Variants in SIDT1 observed in about 807,000 individuals in gnomAD.
SIDT1 encodes SID1 transmembrane family, member 1.
A neutral mutation model predicts 107.5 loss-of-function variants in SIDT1; 101 were observed. The observed-to-expected ratio is 0.94, with a 90% confidence interval of 0.80 to 1.11. The LOEUF (loss-of-function observed/expected upper bound fraction) is 1.11. Among genes scored for constraint, SIDT1 ranks in the 50% least tolerant of loss-of-function variants. The pLI, the probability that SIDT1 is intolerant of heterozygous loss-of-function variation, is 0.00. For synonymous variants in SIDT1, 395 were observed against 398.2 expected (o/e 0.99, Z 0.10); for missense variants, 1,076 against 1,058.2 (o/e 1.02, Z -0.23).
chr3:113,618,887 A>C lies in SIDT1; in HGVS notation c.2044-793A>C, dbSNP rs142491461. Reference sequence around the variant, plus strand: ...TCACCCAGGCTGGAGTGCAGTGGCAAAATCTCGGCTCACTGCAACCTCTGC... The same window carrying C: ...TCACCCAGGCTGGAGTGCAGTGGCACAATCTCGGCTCACTGCAACCTCTGC... On this transcript the variant is annotated intron_variant, in intron 20 of 24. Transcript: ENST00000264852. 5.4e-3 allele frequency among the ~76,000 whole-genome samples: 824 copies of C among 152,132 alleles called. 13 individuals are homozygous for C. The highest frequency in any genetic ancestry group is 0.032 in the Admixed American group (492 of 15,280).
chr3:113,623,600 C>T (rs1434235540), intron 22 of SIDT1, 23 bp from the exon 23 acceptor site: 2 of 1,603,874 alleles, frequency 1.2e-6, no homozygotes, highest in East Asian at 2.2e-5. Context: ...CGCGTGAGGC[C>T]GCATCTGCTT....
chr3:113,579,753 G>A (rs3773691), intron 4 of SIDT1, among the ~76,000 whole-genome samples: 39,937 of 151,982 alleles, frequency 0.26, 5,731 homozygotes, highest in East Asian at 0.59. Context: ...TTCACTGGGA[G>A]CCTGTTTCGG....
chr3:113,634,672 C>T, the SIDT1 span, among the ~76,000 whole-genome samples: 2 of 151,960 alleles, frequency 1.3e-5, no homozygotes, highest in Non-Finnish European at 2.9e-5. Context: ...GGTGTGGTGG[C>T]GTGCATCTGT....
At chr3:113,576,608 A>C (rs1021561286) in intron 3 of SIDT1, among the ~76,000 whole-genome samples, 1 of 152,230 alleles carries the variant, frequency 6.6e-6, no homozygotes, top group African/African-American at 2.4e-5. Context: ...AAAATCAAGC[A>C]CAAGAGAGTC....
rs779272965 is a variant in SIDT1, at chr3:113,581,438, G to A, written c.741G>A (p.Thr247=). The A allele has an allele frequency of 2.3e-5, 37 of 1,612,006 alleles. No homozygotes were observed. The highest frequency in any genetic ancestry group is 1.6e-4 in the African/African-American group (12 of 74,882). The change falls in exon 6 of 25, where the codon ACG becomes ACA. Residue 247 remains threonine (T), a synonymous_variant. Transcript: ENST00000264852. ...CCATGACCAAGAAAGCTGCCATCACGCTACAGGTGAGGCATTGCTTCTGTG... is the reference window on the plus strand; with the variant it reads ...CCATGACCAAGAAAGCTGCCATCACACTACAGGTGAGGCATTGCTTCTGTG... ...YQSMTKKAAI[T]LQKKDFPGEQ... is the part of the protein sequence containing the mutation.
At chr3:113,552,855 G>A (rs182644250) in intron 1 of SIDT1, among the ~76,000 whole-genome samples, 10 of 152,138 alleles carry the variant, frequency 6.6e-5, no homozygotes, top group Admixed American at 3.3e-4. Flanking sequence ...CTTGCTTCCC[G>A]CAAAATTCAC....
Position 113,608,183 on chromosome 3 carries a change from G to C in SIDT1, c.1568G>C (p.Arg523Pro), listed in dbSNP as rs199652698. The C allele has an allele frequency of 6.2e-7, 1 of 1,607,660 alleles. No homozygotes were observed. The highest frequency in any genetic ancestry group is 8.5e-7 in the Non-Finnish European group (1 of 1,176,862). The change falls in exon 16 of 25, where the codon CGG (arginine) becomes CCG (proline). Residue 523 changes from arginine to proline, a missense_variant. Transcript: ENST00000264852. ...GTCTTGCGCCGCGACATCCTCCATC[G>C]GAGAGCCCTGGAAGCCAAGGACATC... ...LIVLRRDILH[R>P]RALEAKDIFA...
chr3:113,565,481 A>G (rs1001341322), intron 1 of SIDT1, among the ~76,000 whole-genome samples: 1 of 152,148 alleles, frequency 6.6e-6, no homozygotes, highest in African/African-American at 2.4e-5. Context: ...AGCCAAGATC[A>G]TGCCACTGCA....
At position 113,627,639 on chromosome 3, in the gene SIDT1, A is replaced by C. The variant is rs779892947; in HGVS notation, c.2422-7A>C. Reference sequence around the variant, plus strand: ...TTCCTTTCATTTCTCTGTCCCTCTCACTTCAGGTTTTGTTAACTTTGGATG... The same window carrying C: ...TTCCTTTCATTTCTCTGTCCCTCTCCCTTCAGGTTTTGTTAACTTTGGATG... On this transcript the variant is annotated splice_polypyrimidine_tract_variant and splice_region_variant and intron_variant, in intron 24 of 24. Coordinates refer to ENST00000264852, the MANE Select transcript of SIDT1 (RefSeq NM_017699.3). 3.7e-6 allele frequency: 6 copies of C among 1,613,910 alleles called. No homozygotes were observed. Among genetic ancestry groups the C allele is most frequent in the Non-Finnish European group, 4.2e-6 (5 of 1,179,848 alleles).
At chr3:113,552,374 G>A (rs1300608639) in intron 1 of SIDT1, among the ~76,000 whole-genome samples, 2 of 152,112 alleles carry the variant, frequency 1.3e-5, no homozygotes, top group Non-Finnish European at 2.9e-5. Context: ...GAGGTTTGTA[G>A]ACAGGGAGAC....
rs184859611 is a variant in SIDT1 at position 113,620,819 on chromosome 3, A to G, written c.2090+1093A>G. Among the ~76,000 whole-genome samples, 300 of 152,318 alleles carry G rather than the reference A, an allele frequency of 2.0e-3. 4 individuals are homozygous for G. The highest frequency in any genetic ancestry group is 0.016 in the Admixed American group (251 of 15,292). The stretch of plus-strand genomic sequence containing the variant: ...GGGCAATGGGAGGAGAAAAGGGACC[A>G]ACCTCTTGATAATGACCAACCTTTG... On this transcript the variant is annotated intron_variant, in intron 21 of 24. Transcript: ENST00000264852.
chr3:113,548,289 T>C (rs1186598643), intron 1 of SIDT1, among the ~76,000 whole-genome samples: 1 of 152,160 alleles, frequency 6.6e-6, no homozygotes, highest in East Asian at 1.9e-4. Context: ...CACAGTTCTG[T>C]GGATTTTGAG....
At chr3:113,615,563 T>G (rs975971871) in intron 19 of SIDT1, among the ~76,000 whole-genome samples, 1 of 152,234 alleles carries the variant, frequency 6.6e-6, no homozygotes, top group Admixed American at 6.5e-5. Context: ...TAACTTACCT[T>G]CACTTGATGA....
At chr3:113,607,989 T>C in intron 15 of SIDT1, 105 bp from the exon 16 acceptor site, 1 of 1,289,154 alleles carries the variant, frequency 7.8e-7, no homozygotes, top group Middle Eastern at 2.0e-4. Flanking sequence ...GAAAGGTTAA[T>C]GGAAAACATT....
chr3:113,606,014 A>G (rs530466052), intron 14 of SIDT1, among the ~76,000 whole-genome samples: 38 of 112,244 alleles, frequency 3.4e-4, no homozygotes, highest in Non-Finnish European at 5.3e-4. Context: ...CAAGAACAAA[A>G]AAAGGAAAAA....
intron 1 of SIDT1, among the ~76,000 whole-genome samples, chr3:113,557,008 C>T (rs925935011): frequency 3.3e-5 from 5 of 150,260 alleles, no homozygotes; most frequent in South Asian, 2.1e-4. Flanking sequence ...TTAGTAGAGG[C>T]GGGTTTCACC....
rs571598589 is a variant in SIDT1, at chr3:113,591,483, G to GA, written c.1002-1511dup. On this transcript the variant is annotated intron_variant, in intron 9 of 24. Transcript: ENST00000264852. Reference sequence around the variant, plus strand: ...GAAAGGGAGAAGCCAAAACAATCCTGAAAAAAAAAAAGAAGAACGTTAAAG... The same window carrying GA: ...GAAAGGGAGAAGCCAAAACAATCCTGAAAAAAAAAAAAGAAGAACGTTAAAG... Among the ~76,000 whole-genome samples, 883 of 142,688 alleles carry GA rather than the reference G, an allele frequency of 6.2e-3. 12 individuals carry two copies. Among genetic ancestry groups the GA allele is most frequent in the East Asian group, 0.029 (144 of 4,950 alleles). 93.6% of individuals were successfully genotyped at this position (142,688 alleles called of 152,430 possible).
At chr3:113,602,796 G>A in intron 11 of SIDT1, 1 of 467,148 alleles carries the variant, frequency 2.1e-6, no homozygotes, top group Non-Finnish European at 3.8e-6. Context: ...CCTGAAGATA[G>A]CCAAGTTAAA....
chr3:113,611,259 C>A (rs190584886), intron 18 of SIDT1, 115 bp downstream of exon 18: 4 of 1,213,734 alleles, frequency 3.3e-6, no homozygotes, highest in East Asian at 4.9e-5. Flanking sequence ...GTTCATGACA[C>A]AATTTCATCT....
Sources: gnomAD v4.1 joint callset for allele counts (sites outside exome capture counted in the v4.1 genomes callset) on GRCh38, gnomAD v4.1.1 for gene constraint, MANE v1.5 for transcripts, NCBI Gene and HGNC (gene_info 2026-07-23, HGNC 2026-07-21) for gene names.